Variants in ASTN1 observed in about 807,000 individuals in gnomAD.
ASTN1 encodes astrotactin 1.
Under a neutral mutation model 140.7 loss-of-function variants are expected in ASTN1, and 41 were observed. The ratio of observed to expected loss-of-function variants is 0.29; its 90% CI spans 0.23 to 0.38. The LOEUF (loss-of-function observed/expected upper bound fraction) is 0.38, where lower values mean the gene tolerates loss of function less well. ASTN1 is among the 10% of genes least tolerant of loss of function. The pLI is 1.00. For missense variants in ASTN1, 1,479 were observed against 1,678.8 expected (o/e 0.88, Z 2.08); for synonymous variants, 640 against 652.2 (o/e 0.98, Z 0.29).
chr1:177,086,494 C>T (rs1679475963), intron 1 of ASTN1, among the ~76,000 whole-genome samples: 1 of 152,054 alleles, frequency 6.6e-6, no homozygotes, highest in Non-Finnish European at 1.5e-5. Context: ...CTAGCAGATG[C>T]TAGAATCCAT....
intron 4 of ASTN1, among the ~76,000 whole-genome samples, chr1:177,030,082 A>G (rs528009222): frequency 1.2e-4 from 19 of 152,324 alleles, no homozygotes; most frequent in African/African-American, 4.6e-4. Context: ...TGTTAATATG[A>G]GACTATCTAA....
chr1:176,962,855 CTG>C (rs1177158853), intron 9 of ASTN1, among the ~76,000 whole-genome samples: 4 of 152,158 alleles, frequency 2.6e-5, no homozygotes, highest in Admixed American at 6.5e-5. Flanking sequence ...TTGGATGAGA[CTG>C]TAAATGCTTG....
intron 18 of ASTN1, among the ~76,000 whole-genome samples, chr1:176,887,277 A>G (rs1553221793): frequency 6.6e-6 from 1 of 151,780 alleles, no homozygotes; most frequent in Non-Finnish European, 1.5e-5. Flanking sequence ...ACACTCAACT[A>G]CCCCATGACA....
chr1:176,976,693 C>T (rs1031065131), intron 8 of ASTN1: 2 of 152,242 alleles, frequency 1.3e-5, no homozygotes, highest in Non-Finnish European at 2.9e-5. Flanking sequence ...GTCTTCCTCC[C>T]TCCACTTCTC....
chr1:176,941,861 T>C (rs1243705915), intron 14 of ASTN1, among the ~76,000 whole-genome samples: 1 of 152,180 alleles, frequency 6.6e-6, no homozygotes, highest in East Asian at 1.9e-4. Flanking sequence ...TACACACACA[T>C]GTGGAATGTG....
intron 1 of ASTN1, among the ~76,000 whole-genome samples, chr1:177,071,292 T>C (rs142135269): frequency 8.5e-4 from 130 of 152,312 alleles, no homozygotes; most frequent in African/African-American, 2.9e-3. Context: ...AGGGAGCTTG[T>C]TGTCAGGCAC....
At chr1:177,163,436 A>G (rs920737473) in intron 1 of ASTN1, among the ~76,000 whole-genome samples, 2 of 152,166 alleles carry the variant, frequency 1.3e-5, no homozygotes, top group African/African-American at 2.4e-5. Context: ...AAGATACTAG[A>G]GCAGGACCAC....
chr1:177,088,808 A>G (rs2102096426), intron 1 of ASTN1, among the ~76,000 whole-genome samples: 1 of 152,244 alleles, frequency 6.6e-6, no homozygotes, highest in East Asian at 1.9e-4. Context: ...TCATATAAAT[A>G]TATGCAAACA....
At chr1:176,959,607 A>G (rs1042336988) in intron 9 of ASTN1, among the ~76,000 whole-genome samples, 1 of 152,190 alleles carries the variant, frequency 6.6e-6, no homozygotes, top group Non-Finnish European at 1.5e-5. Context: ...CAGCCAAGCC[A>G]CATGATTTCT....
chr1:177,000,361 T>A (rs1030638836), intron 8 of ASTN1, among the ~76,000 whole-genome samples: 1 of 152,154 alleles, frequency 6.6e-6, no homozygotes, highest in Admixed American at 6.5e-5. Context: ...GGCAACATAG[T>A]CTAAAAGGCA....
At chr1:177,136,787 C>T (rs1011315090) in intron 1 of ASTN1, among the ~76,000 whole-genome samples, 1 of 152,188 alleles carries the variant, frequency 6.6e-6, no homozygotes, top group Non-Finnish European at 1.5e-5. Context: ...CAATAATAAG[C>T]AATGTCTTTT....
intron 2 of ASTN1, among the ~76,000 whole-genome samples, chr1:177,059,509 C>T (rs1271880386): frequency 1.3e-5 from 2 of 152,198 alleles, no homozygotes; most frequent in African/African-American, 2.4e-5. Context: ...CCTCATTTAC[C>T]TGCCTGACAT....
At chr1:177,110,034 CCT>C (rs1305555561) in intron 1 of ASTN1, among the ~76,000 whole-genome samples, 1 of 152,084 alleles carries the variant, frequency 6.6e-6, no homozygotes, top group Non-Finnish European at 1.5e-5. Context: ...TATTTGTCCC[CCT>C]TTCTCCATCC....
At position 176,965,227 on chromosome 1, in the gene ASTN1, A is replaced by G; in HGVS notation, c.1534T>C (p.Tyr512His). 6.2e-7 allele frequency: 1 copy of G among 1,613,984 alleles called. No homozygotes were observed. The highest frequency in any genetic ancestry group is 8.5e-7 in the Non-Finnish European group (1 of 1,179,868). Residue 512 changes from tyrosine (Y) to histidine (H), a missense_variant, in exon 9 of 23, where the codon TAC becomes CAC. Physicochemically the swap from Tyr to His is moderately conservative, Grantham distance 83. This residue lies in a region of ASTN1 where 729 missense variants were observed against 860.4 expected (regional missense o/e 0.85). Transcript: ENST00000361833. ...EWGTNQGPWP[Y>H]TIFQRGFDLV... is the part of the protein sequence containing the mutation. ...TCAAAGCCTCGCTGAAATATTGTGT[A>G]AGGCCATGGCCTAAAAGAAGAAACA... is the stretch of plus-strand genomic sequence containing the variant.
chr1:176,981,165 T>C (rs1460443199), intron 8 of ASTN1, among the ~76,000 whole-genome samples: 2 of 130,602 alleles, frequency 1.5e-5, no homozygotes, highest in Admixed American at 9.4e-5. Context: ...TGAGCCAAGA[T>C]TGCACCACTC....
chr1:176,956,116 C>T (rs1672389480), intron 11 of ASTN1, among the ~76,000 whole-genome samples: 1 of 152,132 alleles, frequency 6.6e-6, no homozygotes, highest in Non-Finnish European at 1.5e-5. Flanking sequence ...ACATCAACTT[C>T]CCCCTTGGCT....
chr1:176,966,844 T>A lies in ASTN1; in HGVS notation c.1524-1607A>T, dbSNP rs1448552473. ...TAATTATTAAATATTAACAGTTATA[T>A]CATTATAAATTTTTCTTATTTCTCC... On this transcript the variant is annotated intron_variant, in intron 8 of 22. Transcript: ENST00000361833. 2.6e-5 allele frequency among the ~76,000 whole-genome samples: 4 copies of A among 151,982 alleles called. No homozygotes were observed. The East Asian group carries it at 7.7e-4, about 29-fold the overall frequency.
chr1:177,149,220 AAT>A (rs1379117785), intron 1 of ASTN1, among the ~76,000 whole-genome samples: 6 of 100,050 alleles, frequency 6.0e-5, no homozygotes, highest in East Asian at 2.7e-4. Flanking sequence ...ATATATAGTA[AAT>A]ATATATAGTA....
chr1:177,058,102 G>T (rs1049956489), intron 2 of ASTN1, among the ~76,000 whole-genome samples: 3 of 152,322 alleles, frequency 2.0e-5, no homozygotes, highest in African/African-American at 7.2e-5. Context: ...TGGGGTGTGT[G>T]TATGGAATGG....
Sources: gnomAD v4.1 joint callset for allele counts (sites outside exome capture counted in the v4.1 genomes callset) on GRCh38, gnomAD v4.1.1 for gene constraint, gnomAD v4.1.1 regional missense constraint, MANE v1.5 for transcripts, NCBI Gene and HGNC (gene_info 2026-07-23, HGNC 2026-07-21) for gene names.